Variants in PTPRD observed in about 807,000 individuals in gnomAD.
PTPRD encodes protein tyrosine phosphatase receptor type D, also known as receptor-type tyrosine-protein phosphatase delta.
A neutral mutation model predicts 214.5 loss-of-function variants in PTPRD; 34 were observed. The observed-to-expected ratio is 0.16, with a 90% CI of 0.12 to 0.21. The LOEUF (loss-of-function observed/expected upper bound fraction) is 0.21, where lower values mean the gene tolerates loss of function less well. Among genes scored for constraint, PTPRD ranks in the 10% least tolerant of loss-of-function variants. The pLI is 1.00. For synonymous variants in PTPRD, 1,128 were observed against 845.7 expected, an observed-to-expected ratio of 1.33 and a Z score of -5.79; for missense variants, 2,545 against 2,398.7, an observed-to-expected ratio of 1.06 and a Z score of -1.27.
chr9:9,048,681 G>A (rs1175667033), intron 10 of PTPRD, among the ~76,000 whole-genome samples: 2 of 152,218 alleles, frequency 1.3e-5, no homozygotes, highest in East Asian at 3.9e-4. Context: ...AGTGGCAGTG[G>A]GGCAGGTGGG....
chr9:9,062,769 T>C (rs1590847855), intron 10 of PTPRD, among the ~76,000 whole-genome samples: 4 of 152,332 alleles, frequency 2.6e-5, no homozygotes, highest in Admixed American at 2.6e-4. Context: ...ATCTATCATT[T>C]GGTTTCTACC....
intron 11 of PTPRD, among the ~76,000 whole-genome samples, chr9:8,929,889 G>GTATA (rs374972008): frequency 2.9e-5 from 2 of 67,870 alleles, no homozygotes; most frequent in East Asian, 3.8e-4. Flanking sequence ...ATATGTGTGT[G>GTATA]TATATATATG....
intron 3 of PTPRD, among the ~76,000 whole-genome samples, chr9:10,038,785 T>C (rs2097239211): frequency 6.6e-6 from 1 of 152,088 alleles, no homozygotes; most frequent in South Asian, 2.1e-4. Context: ...CACTTAGTTC[T>C]CTAGATTATG....
intron 8 of PTPRD, among the ~76,000 whole-genome samples, chr9:9,564,884 GTTTTTTTTTTTTTTT>G (rs1191664969): frequency 2.0e-5 from 1 of 48,842 alleles, no homozygotes; most frequent in Non-Finnish European, 3.8e-5. Flanking sequence ...TGAATCTTCT[GTTTTTTTTTTTTTTT>G]TTTTTTTTTT....
chr9:10,238,354 A>T (rs1409591041), intron 3 of PTPRD, among the ~76,000 whole-genome samples: 1 of 151,856 alleles, frequency 6.6e-6, no homozygotes, highest in Non-Finnish European at 1.5e-5. Context: ...CTTACCAATC[A>T]GAACTTGCCA....
chr9:10,569,028 C>A (rs1277410103), intron 2 of PTPRD, among the ~76,000 whole-genome samples: 4 of 151,980 alleles, frequency 2.6e-5, no homozygotes, highest in African/African-American at 4.8e-5. Context: ...ACTCACCTGA[C>A]AAAGGGCTAA....
intron 4 of PTPRD, among the ~76,000 whole-genome samples, chr9:9,960,764 A>T (rs2094306303): frequency 6.6e-6 from 1 of 152,204 alleles, no homozygotes; most frequent in African/African-American, 2.4e-5. Context: ...AAGACACATG[A>T]TAACTAAATA....
At chr9:9,764,905 A>G (rs1204903788) in intron 6 of PTPRD, among the ~76,000 whole-genome samples, 2 of 152,146 alleles carry the variant, frequency 1.3e-5, no homozygotes, top group African/African-American at 4.8e-5. Context: ...TATCAGGAGA[A>G]AAGAGTGGTA....
At chr9:9,233,495 C>T (rs1389536279) in intron 9 of PTPRD, among the ~76,000 whole-genome samples, 1 of 152,178 alleles carries the variant, frequency 6.6e-6, no homozygotes, top group Non-Finnish European at 1.5e-5. Context: ...AAAACACAAT[C>T]ATGCCTTCCC....
chr9:9,160,775 A>C (rs2099886717), intron 10 of PTPRD, among the ~76,000 whole-genome samples: 1 of 152,206 alleles, frequency 6.6e-6, no homozygotes, highest in Non-Finnish European at 1.5e-5. Context: ...ATATGGAATC[A>C]ATCTGTGTCC....
At chr9:10,202,673 T>TATATAC (rs1425074390) in intron 3 of PTPRD, among the ~76,000 whole-genome samples, 6 of 112,366 alleles carry the variant, frequency 5.3e-5, no homozygotes, top group Non-Finnish European at 8.9e-5. Context: ...ATTATATGGA[T>TATATAC]ATATATATAT....
chr9:8,666,505 G>C (rs763421618), intron 12 of PTPRD, among the ~76,000 whole-genome samples: 1 of 152,146 alleles, frequency 6.6e-6, no homozygotes, highest in Non-Finnish European at 1.5e-5. Context: ...GCCCTTATAG[G>C]TGTCACTGCC....
chr9:9,711,061 C>T (rs2097719072), intron 7 of PTPRD, among the ~76,000 whole-genome samples: 1 of 152,084 alleles, frequency 6.6e-6, no homozygotes, highest in Non-Finnish European at 1.5e-5. Context: ...TTGGTTCCCA[C>T]CTTGTGCCGA....
chr9:10,266,628 G>C (rs1461284632), intron 3 of PTPRD, among the ~76,000 whole-genome samples: 1 of 152,080 alleles, frequency 6.6e-6, no homozygotes, highest in Non-Finnish European at 1.5e-5. Context: ...TATGGAAAGT[G>C]GATAGGAGAG....
chr9:10,124,535 A>G (rs1187266849), intron 3 of PTPRD, among the ~76,000 whole-genome samples: 2 of 152,180 alleles, frequency 1.3e-5, no homozygotes, highest in Admixed American at 1.3e-4. Context: ...TATCCGTCAA[A>G]TCCATAGTTC....
At chr9:8,858,808 CACACACACACACACACACACAT>C (rs2098021757) in intron 11 of PTPRD, among the ~76,000 whole-genome samples, 1 of 138,042 alleles carries the variant, frequency 7.2e-6, no homozygotes, top group African/African-American at 3.2e-5. Context: ...CACACACACA[CACACACACACACACACACACAT>C]ACACACACAC....
chr9:8,856,954 T>A (rs2097926815), intron 11 of PTPRD, among the ~76,000 whole-genome samples: 1 of 152,200 alleles, frequency 6.6e-6, no homozygotes, highest in East Asian at 1.9e-4. Context: ...TAATCTTTGG[T>A]TTGTTCGTGG....
chr9:8,542,842 C>T (rs1396336854), intron 14 of PTPRD, among the ~76,000 whole-genome samples: 1 of 152,198 alleles, frequency 6.6e-6, no homozygotes, highest in Non-Finnish European at 1.5e-5. Context: ...ACCAGAAGTT[C>T]CCTGGGAGCC....
intron 7 of PTPRD, among the ~76,000 whole-genome samples, chr9:9,728,004 T>C (rs539500161): frequency 1.3e-4 from 20 of 152,168 alleles, no homozygotes; most frequent in Non-Finnish European, 2.5e-4. Context: ...GGGGAGGCAA[T>C]TGAATCATGG....
Sources: allele counts gnomAD v4.1 joint callset (sites outside exome capture counted in the v4.1 genomes callset), GRCh38; gene constraint gnomAD v4.1.1; transcripts MANE v1.5; gene names NCBI Gene and HGNC (gene_info 2026-07-23, HGNC 2026-07-21).